CCND3: variants seen among roughly 807,000 people sequenced by gnomAD.
CCND3 encodes the protein cyclin D3, also known as G1/S-specific cyclin-D3.
In CCND3, 9 loss-of-function variants were observed where a neutral mutation model predicts 28.7. The observed-to-expected ratio is 0.31, with a 90% CI of 0.19 to 0.55. CCND3 has a LOEUF of 0.55. CCND3 is among the 20% of genes least tolerant of loss of function. CCND3 has a pLI of 0.93. For synonymous variants in CCND3, 164 were observed against 163.9 expected (o/e 1.00, Z 0.00); for missense variants, 315 against 385.8 (o/e 0.82, Z 1.54).
intron 1 of CCND3, among the ~76,000 whole-genome samples, chr6:42,027,300 C>T (rs1220897789): frequency 9.2e-5 from 14 of 152,132 alleles, no homozygotes; most frequent in Admixed American, 2.0e-4. Context: ...ATTAGGCAGG[C>T]TTGGTGGCAG....
At position 41,935,834 on chromosome 6, in the gene CCND3, C is replaced by T. The variant is rs1404189823; in HGVS notation, c.*106G>A. The T allele has an allele frequency of 5.4e-6, 6 of 1,109,348 alleles. No individual in the cohort carries two copies. The highest frequency in any genetic ancestry group is 7.9e-6 in the Non-Finnish European group (6 of 755,004). 68.7% of individuals were successfully genotyped at this position (1,109,348 alleles called of 1,614,324 possible). On this transcript the variant is annotated 3_prime_UTR_variant, in exon 5 of 5. Transcript: ENST00000372991. ...TCCCTTGGGCTTTGTGAAGGGGGAACAGACGCCCCTTCAGGCTTAGATGTG... is the reference window on the plus strand; with the variant it reads ...TCCCTTGGGCTTTGTGAAGGGGGAATAGACGCCCCTTCAGGCTTAGATGTG...
At chr6:41,963,469 C>T (rs1761775253) in intron 1 of CCND3, among the ~76,000 whole-genome samples, 1 of 152,192 alleles carries the variant, frequency 6.6e-6, no homozygotes, top group African/African-American at 2.4e-5. Context: ...TTGAAGCTGC[C>T]TGAAGAGTAC....
At chr6:41,950,943 C>T (rs1305194886) in intron 1 of CCND3, among the ~76,000 whole-genome samples, 3 of 151,882 alleles carry the variant, frequency 2.0e-5, no homozygotes, top group African/African-American at 4.8e-5. Context: ...CTCCTGACCT[C>T]GTGATCCGCC....
At chr6:41,970,160 G>A (rs1019216880) in intron 1 of CCND3, among the ~76,000 whole-genome samples, 30 of 152,132 alleles carry the variant, frequency 2.0e-4, no homozygotes, top group African/African-American at 6.5e-4. Context: ...CCAACATGGT[G>A]AAACCCCATC....
At position 41,940,485 on chromosome 6, in the gene CCND3, T is replaced by C. The variant is rs776806939; in HGVS notation, c.299A>G (p.Gln100Arg). 1 of 1,614,096 alleles carries C rather than the reference T, an allele frequency of 6.2e-7. No homozygotes were observed. The highest frequency in any genetic ancestry group is 2.2e-5 in the East Asian group (1 of 44,870). ...SCVPTRKAQL[Q>R]LLGAVCMLLA... ...CAGCATGCAGACCGCACCCAGGAGCTGCAACTGCGCCTTTCGGGTGGGGAC... is the reference window on the plus strand; with the variant it reads ...CAGCATGCAGACCGCACCCAGGAGCCGCAACTGCGCCTTTCGGGTGGGGAC... Residue 100 changes from glutamine (Q) to arginine (R), a missense_variant, in exon 2 of 5, where the codon CAG becomes CGG. Transcript: ENST00000372991.
chr6:42,030,041 A>C (rs9381123), intron 1 of CCND3: 151,404 of 152,248 alleles, frequency 0.99, 75,290 homozygotes, highest in Middle Eastern at 1. Context: ...CCTCTGTGCA[A>C]CCAGGACAGA....
rs1044621490 is a variant in CCND3, at chr6:41,935,619, G to GT, written c.*320_*321insA. 6 of 470,278 alleles carry GT rather than the reference G, an allele frequency of 1.3e-5. No homozygotes were observed. The highest frequency in any genetic ancestry group is 5.4e-4 in the Middle Eastern group (1 of 1,842). 29.1% of individuals were successfully genotyped at this position (470,278 alleles called of 1,614,324 possible). A position where few individuals can be genotyped will look rare whatever the true frequency, so the allele number is the denominator to read the frequency against. ...GAAAACATGAGAGCCCCCAGGGGTG[G>GT]GGGGGGGCGTTCAAAAGGAATGCTG... On this transcript the variant is annotated 3_prime_UTR_variant, in exon 5 of 5. Transcript: ENST00000372991.
Position 41,935,461 on chromosome 6 carries a change from TGAGA to T in CCND3, c.*475_*478del, listed in dbSNP as rs1775741264. Reference sequence around the variant, plus strand: ...GACTACATAGGGGCCTCCAAAGTACTGAGAGGAGCCATCTAGACTATTCCCCCTC... The same window carrying T: ...GACTACATAGGGGCCTCCAAAGTACTGGAGCCATCTAGACTATTCCCCCTC... On this transcript the variant is annotated 3_prime_UTR_variant, in exon 5 of 5. Transcript: ENST00000372991. 1 of 259,226 alleles carries T rather than the reference TGAGA, an allele frequency of 3.9e-6. No homozygotes were observed. Among genetic ancestry groups the T allele is most frequent in the Non-Finnish European group, 7.4e-6 (1 of 135,050 alleles). 16.1% of individuals were successfully genotyped at this position (259,226 alleles called of 1,614,324 possible).
At chr6:41,955,920 A>C (rs534105754) in intron 1 of CCND3, among the ~76,000 whole-genome samples, 3 of 152,318 alleles carry the variant, frequency 2.0e-5, no homozygotes, top group African/African-American at 7.2e-5. Context: ...CCTGGGCAGC[A>C]GAGCGAAACC....
intron 1 of CCND3, among the ~76,000 whole-genome samples, chr6:41,967,361 A>G (rs1761916146): frequency 6.6e-6 from 1 of 152,226 alleles, no homozygotes; most frequent in African/African-American, 2.4e-5. Flanking sequence ...ACAAGCACTT[A>G]CTGATTCCCT....
chr6:42,003,525 CAAAAAAAAAAAAAAAAAAAAAAA>C (rs61494473), intron 1 of CCND3, among the ~76,000 whole-genome samples: 72 of 73,476 alleles, frequency 9.8e-4, no homozygotes, highest in South Asian at 1.9e-3. Flanking sequence ...GACTCTGTCT[CAAAAAAAAAAAAAAAAAAAAAAA>C]AAAAAAAAAA....
chr6:42,024,352 G>T (rs541520186), intron 1 of CCND3, among the ~76,000 whole-genome samples: 3 of 150,496 alleles, frequency 2.0e-5, no homozygotes, highest in Admixed American at 6.7e-5. Context: ...GTAGTGAGCG[G>T]AGATCACGCC....
intron 1 of CCND3, among the ~76,000 whole-genome samples, chr6:41,991,133 AC>A (rs1230898222): frequency 1.3e-5 from 2 of 150,400 alleles, no homozygotes; most frequent in Non-Finnish European, 3.0e-5. Context: ...ATCTCAGCTC[AC>A]TGCAACCTCT....
intron 1 of CCND3, among the ~76,000 whole-genome samples, chr6:41,979,316 G>A (rs1762268654): frequency 1.3e-5 from 2 of 151,730 alleles, no homozygotes; most frequent in Admixed American, 6.6e-5. Context: ...GGTGGATCAC[G>A]AGGTCAGGAG....
intron 1 of CCND3, among the ~76,000 whole-genome samples, chr6:42,045,784 G>A (rs1373348700): frequency 1.3e-5 from 2 of 152,224 alleles, no homozygotes; most frequent in Non-Finnish European, 2.9e-5. Context: ...GCAGGGAAAG[G>A]GAAACTTGGC....
intron 1 of CCND3, among the ~76,000 whole-genome samples, chr6:42,023,100 A>G (rs922346632): frequency 6.6e-6 from 1 of 152,204 alleles, no homozygotes; most frequent in African/African-American, 2.4e-5. Context: ...GACATGCGCA[A>G]AGCCATGAAA....
intron 1 of CCND3, among the ~76,000 whole-genome samples, chr6:42,046,819 C>G (rs1383540372): frequency 6.6e-6 from 1 of 152,220 alleles, no homozygotes; most frequent in African/African-American, 2.4e-5. Flanking sequence ...CTTTAGGAAA[C>G]TCCTAAGTTC....
intron 1 of CCND3, among the ~76,000 whole-genome samples, chr6:41,995,953 A>T (rs191477592): frequency 1.3e-5 from 2 of 151,348 alleles, no homozygotes; most frequent in African/African-American, 2.4e-5. Context: ...AAATTTTTTT[A>T]AAATACATAA....
At chr6:41,989,267 T>G (rs944551976) in intron 1 of CCND3, among the ~76,000 whole-genome samples, 1 of 151,866 alleles carries the variant, frequency 6.6e-6, no homozygotes, top group Non-Finnish European at 1.5e-5. Context: ...GAGATCGGCC[T>G]GGCCAACATG....
Sources: gnomAD v4.1 joint callset for allele counts (sites outside exome capture counted in the v4.1 genomes callset) on GRCh38, gnomAD v4.1.1 for gene constraint, MANE v1.5 for transcripts, NCBI Gene and HGNC (gene_info 2026-07-23, HGNC 2026-07-21) for gene names.